GALNT6: variants seen among roughly 807,000 people sequenced by gnomAD.
The protein encoded by GALNT6 is polypeptide N-acetylgalactosaminyltransferase 6, also known as GalNAc transferase 6.
Under a neutral mutation model 65.9 loss-of-function variants are expected in GALNT6, and 51 were observed. That is an observed-to-expected ratio of 0.77 (90% CI 0.62 to 0.98). GALNT6 has a LOEUF of 0.98. Ranked by LOEUF, GALNT6 falls within the 50% of genes least tolerant of loss-of-function variation. GALNT6 has a pLI of 0.00. For synonymous variants in GALNT6, 323 were observed against 315.1 expected (o/e 1.02, Z -0.26); for missense variants, 708 against 803.3 (o/e 0.88, Z 1.43).
intron 2 of GALNT6, among the ~76,000 whole-genome samples, chr12:51,381,569 T>C (rs1342066488): frequency 6.6e-6 from 1 of 152,246 alleles, no homozygotes; most frequent in Non-Finnish European, 1.5e-5. Context: ...ACAAAATTCA[T>C]GGACAAAGCT....
At chr12:51,366,239 G>A (rs1398150476) in intron 4 of GALNT6, among the ~76,000 whole-genome samples, 6 of 152,172 alleles carry the variant, frequency 3.9e-5, no homozygotes, top group Admixed American at 3.3e-4. Context: ...TTCTGACAGA[G>A]GCTCTCAGAT....
rs754393460 is a variant in GALNT6, at chr12:51,354,424, G to A, written c.1824C>T (p.Ala608=). 3 of 1,591,250 alleles carry A rather than the reference G, an allele frequency of 1.9e-6. No homozygotes were observed. The East Asian group carries it at 7.0e-5, about 37-fold the overall frequency. The part of the protein sequence containing the change: ...LTSQDKKPAM[A]PCNPSDPHQL... ...GATGGGGGTCACTGGGATTGCAGGG[G>A]GCCATGGCTGGCTTTTTGTCCTGGG... The change falls in exon 12 of 12, where the codon GCC becomes GCT. Residue 608 remains alanine, a synonymous_variant. Transcript: ENST00000356317.
chr12:51,362,187 C>G (rs1313017516), intron 6 of GALNT6, among the ~76,000 whole-genome samples: 1 of 152,200 alleles, frequency 6.6e-6, no homozygotes, highest in African/African-American at 2.4e-5. Context: ...CCTGCTTCCT[C>G]CCCCACAGGC....
intron 5 of GALNT6, 128 bp downstream of exon 5, chr12:51,365,302 T>C: frequency 2.5e-6 from 2 of 797,932 alleles, no homozygotes; most frequent in East Asian, 2.9e-5. Flanking sequence ...GCACCTGGAG[T>C]GGGTCCCAAG....
At chr12:51,380,599 T>C (rs1196419996) in intron 2 of GALNT6, among the ~76,000 whole-genome samples, 2 of 152,252 alleles carry the variant, frequency 1.3e-5, no homozygotes, top group African/African-American at 4.8e-5. Flanking sequence ...AAGACTAGCC[T>C]GGCCAACATG....
rs1420074497 is a variant in GALNT6, at chr12:51,364,256, G to A, written c.914C>T (p.Thr305Ile). Residue 305 changes from threonine (T) to isoleucine (I), a missense_variant, in exon 6 of 12, where the codon ACT (threonine) becomes ATT (isoleucine). Transcript: ENST00000356317. ...SPDIVTIDLN[T>I]FEFAKPVQRG... ...CTGGACGGGCTTGGCGAACTCAAAA[G>A]TATTAAGGTCGATGGTGACGATGTC... 6.2e-7 allele frequency: 1 copy of A among 1,614,090 alleles called. No homozygotes were observed. The highest frequency in any genetic ancestry group is 1.1e-5 in the South Asian group (1 of 91,088).
At chr12:51,375,185 T>C (rs1198173942) in intron 4 of GALNT6, among the ~76,000 whole-genome samples, 5 of 152,118 alleles carry the variant, frequency 3.3e-5, no homozygotes, top group Admixed American at 3.3e-4. Flanking sequence ...CAATTTAACA[T>C]CTTTTAAGTC....
chr12:51,389,489 T>TGACA (rs2137843334), intron 2 of GALNT6, among the ~76,000 whole-genome samples: 1 of 152,372 alleles, frequency 6.6e-6, no homozygotes, highest in South Asian at 2.1e-4. Flanking sequence ...CTCTTAACTA[T>TGACA]GACATCACAT....
At chr12:51,389,777 C>T (rs1947971271) in intron 2 of GALNT6, among the ~76,000 whole-genome samples, 1 of 152,234 alleles carries the variant, frequency 6.6e-6, no homozygotes, top group Non-Finnish European at 1.5e-5. Flanking sequence ...GTCCCCACTT[C>T]TTCCAGCTGA....
At chr12:51,360,939 C>T (rs540373957) in intron 6 of GALNT6, 101 bp from the exon 7 acceptor site, 2 of 674,582 alleles carry the variant, frequency 3.0e-6, no homozygotes, top group Admixed American at 2.3e-5. Context: ...CCCACCTCCC[C>T]CTCCTTTCCT....
intron 4 of GALNT6, among the ~76,000 whole-genome samples, chr12:51,365,889 T>A (rs1181578746): frequency 1.3e-5 from 2 of 152,170 alleles, no homozygotes; most frequent in Admixed American, 1.3e-4. Flanking sequence ...CTCAGAGTTG[T>A]GTTTCTGTGG....
intron 4 of GALNT6, among the ~76,000 whole-genome samples, chr12:51,365,854 C>T (rs894206687): frequency 4.6e-5 from 7 of 152,140 alleles, no homozygotes; most frequent in Non-Finnish European, 1.0e-4. Context: ...CACCTGGGCA[C>T]CCTCTCTAAT....
In GALNT6 at chr12:51,384,456, C is replaced by T. The variant is rs192456792; in HGVS notation, c.-103-4572G>A. Among the ~76,000 whole-genome samples the T allele has an allele frequency of 2.4e-3, 359 of 152,270 alleles. 2 individuals carry two copies. Among genetic ancestry groups the T allele is most frequent in the African/African-American group, 7.8e-3 (323 of 41,556 alleles). ...CCTGAAATCCCAGCACTTTGGGAGG[C>T]CATGGTGGGCAGATCACTTTAGGCC... On this transcript the variant is annotated intron_variant, in intron 2 of 11. Transcript: ENST00000356317.
At chr12:51,375,123 G>A (rs1033025331) in intron 4 of GALNT6, among the ~76,000 whole-genome samples, 2 of 151,958 alleles carry the variant, frequency 1.3e-5, no homozygotes, top group Non-Finnish European at 2.9e-5. Flanking sequence ...TGATCCACCC[G>A]CCTCGGCCTC....
At chr12:51,383,810 A>G (rs1419533770) in intron 2 of GALNT6, among the ~76,000 whole-genome samples, 2 of 152,156 alleles carry the variant, frequency 1.3e-5, no homozygotes, top group East Asian at 3.9e-4. Flanking sequence ...GAAGAGACAC[A>G]GAATCTAGTG....
chr12:51,389,027 C>T (rs998921942), intron 2 of GALNT6, among the ~76,000 whole-genome samples: 21 of 152,334 alleles, frequency 1.4e-4, no homozygotes, highest in Admixed American at 1.0e-3. Flanking sequence ...GTTCACCACA[C>T]AGGCCTTTTA....
chr12:51,384,634 G>A (rs1947771258), intron 2 of GALNT6, among the ~76,000 whole-genome samples: 1 of 141,774 alleles, frequency 7.1e-6, no homozygotes, highest in African/African-American at 2.7e-5. Flanking sequence ...GGAGGTTGCA[G>A]TAAGCAGAAA....
chr12:51,366,350 T>A (rs1947106659), intron 4 of GALNT6, among the ~76,000 whole-genome samples: 3 of 152,200 alleles, frequency 2.0e-5, no homozygotes, highest in Non-Finnish European at 4.4e-5. Context: ...ATTCCCTGTC[T>A]CCCAGGCTCT....
At position 51,360,723 on chromosome 12, in the gene GALNT6, G is replaced by A. The variant is rs777426645; in HGVS notation, c.1165C>T (p.Arg389Trp). The A allele has an allele frequency of 2.7e-5, 42 of 1,576,702 alleles. No homozygotes were observed. The highest frequency in any genetic ancestry group is 6.7e-5 in the African/African-American group (5 of 74,088). The change falls in exon 7 of 12, where the codon CGG (arginine) becomes TGG (tryptophan). Residue 389 changes from arginine (R) to tryptophan (W), a missense_variant and splice_region_variant. Physicochemically the swap from Arg to Trp is moderately radical, Grantham distance 101. Coordinates refer to ENST00000356317, the MANE Select transcript of GALNT6 (RefSeq NM_007210.4). Reference sequence around the variant, plus strand: ...CCCAAAGCCCTCTTCACTCTCACCCGGAAGGACATTTCCACGTTCTCCCCT... The same window carrying A: ...CCCAAAGCCCTCTTCACTCTCACCCAGAAGGACATTTCCACGTTCTCCCCT... ...WGGENVEMSF[R>W]VWQCGGQLEI...
Sources: allele counts gnomAD v4.1 joint callset (sites outside exome capture counted in the v4.1 genomes callset), GRCh38; gene constraint gnomAD v4.1.1; transcripts MANE v1.5; gene names NCBI Gene and HGNC (gene_info 2026-07-23, HGNC 2026-07-21).